OTOG: variants seen among roughly 807,000 people sequenced by gnomAD.
The protein encoded by OTOG is otogelin.
In OTOG, 296 loss-of-function variants were observed where a neutral mutation model predicts 313.8. The ratio of observed to expected loss-of-function variants is 0.94; its 90% confidence interval spans 0.86 to 1.04. OTOG has a LOEUF of 1.04. Ranked by LOEUF, OTOG falls within the 50% of genes least tolerant of loss-of-function variation. The pLI is 0.00. For missense variants in OTOG, 3,948 were observed against 3,840.1 expected, an observed-to-expected ratio of 1.03 and a Z score of -0.74; for synonymous variants, 1,533 against 1,554.9, an observed-to-expected ratio of 0.99 and a Z score of 0.33.
chr11:17,576,768 G>C (rs763686762), intron 21 of OTOG, 100 bp from the exon 22 acceptor site: 1 of 1,484,558 alleles, frequency 6.7e-7, no homozygotes, highest in Non-Finnish European at 9.2e-7. Flanking sequence ...GAGTGAGGGT[G>C]TCTTTCTGAA....
chr11:17,609,822 G>A lies in OTOG; in HGVS notation c.4522G>A (p.Ala1508Thr). 1 of 1,534,276 alleles carries A rather than the reference G, an allele frequency of 6.5e-7. No individual in the cohort carries two copies. The highest frequency in any genetic ancestry group is 8.8e-7 in the Non-Finnish European group (1 of 1,137,132). ...ALTPAAPLTT[A>T]LNPPVTATEE... is the part of the protein sequence containing the mutation. ...CACCCCAGCTGCCCCACTCACCACA[G>A]CCCTGAACCCACCAGTGACAGCCAC... is the stretch of plus-strand genomic sequence containing the variant. Residue 1508 changes from alanine to threonine, a missense_variant, in exon 36 of 56, where the codon GCC becomes ACC. Physicochemically the swap from Ala to Thr is moderately conservative, Grantham distance 58. Coordinates refer to ENST00000399397, the MANE Select transcript of OTOG (RefSeq NM_001292063.2).
At chr11:17,588,977 T>A (rs1216569767) in intron 24 of OTOG, among the ~76,000 whole-genome samples, 4 of 152,150 alleles carry the variant, frequency 2.6e-5, no homozygotes, top group African/African-American at 4.8e-5. Context: ...ACCCCCTCGA[T>A]GTCTCCCCTT....
At chr11:17,640,524 G>A (rs899119210) in intron 49 of OTOG, among the ~76,000 whole-genome samples, 1 of 152,188 alleles carries the variant, frequency 6.6e-6, no homozygotes, top group Admixed American at 6.5e-5. Flanking sequence ...TCTGTCCCTC[G>A]CTGTGAAAGG....
At chr11:17,593,560 G>T in intron 26 of OTOG, 50 bp from the exon 27 acceptor site, 1 of 1,540,296 alleles carries the variant, frequency 6.5e-7, no homozygotes, top group South Asian at 1.2e-5. Context: ...TAGCTGACCT[G>T]GGCGCTAGGG....
intron 20 of OTOG, among the ~76,000 whole-genome samples, chr11:17,575,727 G>C (rs577963150): frequency 6.6e-6 from 1 of 152,288 alleles, no homozygotes; most frequent in East Asian, 1.9e-4. Flanking sequence ...TCACTCATAG[G>C]CCTTCCCAAA....
intron 25 of OTOG, 63 bp from the exon 26 acceptor site, chr11:17,593,130 T>G: frequency 6.8e-7 from 1 of 1,477,502 alleles, no homozygotes; most frequent in South Asian, 1.3e-5. Context: ...CCTCCACCTC[T>G]GTACCTCTTG....
intron 39 of OTOG, among the ~76,000 whole-genome samples, chr11:17,626,766 T>C (rs1397416116): frequency 6.6e-6 from 1 of 152,222 alleles, no homozygotes; most frequent in Non-Finnish European, 1.5e-5. Flanking sequence ...GGGCTATCTT[T>C]CCATTTGTGT....
chr11:17,564,750 A>G (rs561785704), intron 15 of OTOG, among the ~76,000 whole-genome samples: 10 of 152,248 alleles, frequency 6.6e-5, no homozygotes, highest in Non-Finnish European at 1.2e-4. Flanking sequence ...TTTAAGTCTT[A>G]ACATACCCCA....
At chr11:17,590,257 C>T (rs1852899688) in intron 24 of OTOG, among the ~76,000 whole-genome samples, 1 of 152,196 alleles carries the variant, frequency 6.6e-6, no homozygotes, top group Non-Finnish European at 1.5e-5. Context: ...CAGAACAGCA[C>T]ATCTGATCTT....
intron 17 of OTOG, 98 bp from the exon 18 acceptor site, chr11:17,571,982 G>A (rs1852414330): frequency 6.8e-7 from 1 of 1,464,448 alleles, no homozygotes; most frequent in Non-Finnish European, 9.2e-7. Flanking sequence ...GACTATGTGT[G>A]TGTATATGAG....
chr11:17,629,475 C>A (rs1266970156), intron 40 of OTOG, among the ~76,000 whole-genome samples, 159 bp downstream of exon 40: 1 of 152,194 alleles, frequency 6.6e-6, no homozygotes, highest in Non-Finnish European at 1.5e-5. Context: ...GTCTTGTGTC[C>A]TGGGGCCAAA....
In OTOG at chr11:17,641,877, G is replaced by C. The variant is rs1437609507; in HGVS notation, c.8221G>C (p.Ala2741Pro). Residue 2741 changes from alanine to proline, a missense_variant, in exon 52 of 56, where the codon GCT becomes CCT. Transcript: ENST00000399397. ...NQEYEHPRDL[A>P]ACCGSCRNVS... ...GGAGTACGAGCACCCGCGGGACCTC[G>C]CTGCCTGCTGCGGCTCCTGCAGGAA... 1.9e-6 allele frequency: 3 copies of C among 1,550,098 alleles called. No homozygotes were observed. The African/African-American group carries it at 4.1e-5, about 21-fold the overall frequency.
intron 3 of OTOG, among the ~76,000 whole-genome samples, chr11:17,550,679 C>T (rs1051698569): frequency 3.3e-5 from 5 of 151,646 alleles, no homozygotes; most frequent in African/African-American, 9.8e-5. Flanking sequence ...CTAAAGGATG[C>T]GAGTTGTTTC....
intron 14 of OTOG, 121 bp downstream of exon 14, chr11:17,561,258 C>A (rs558696545): frequency 1.8e-6 from 2 of 1,136,200 alleles, no homozygotes; most frequent in Non-Finnish European, 2.5e-6. Context: ...CCATTGGCTA[C>A]GCCCCGACCC....
In OTOG at chr11:17,572,169, C is replaced by T. The variant is rs775057451; in HGVS notation, c.2045C>T (p.Ser682Phe). The T allele has an allele frequency of 5.8e-6, 9 of 1,550,482 alleles. No individual in the cohort carries two copies. In the African/African-American group the frequency reaches 1.1e-4, roughly 19 times the overall value. The change falls in exon 18 of 56, where the codon TCC becomes TTC. Residue 682 changes from serine to phenylalanine, a missense_variant. Physicochemically the swap from Ser to Phe is radical, Grantham distance 155. Coordinates refer to ENST00000399397, the MANE Select transcript of OTOG (RefSeq NM_001292063.2). Reference sequence around the variant, plus strand: ...GCTTGCTCCCCGCTGGTCTCTGGCTCCCCTCTGGACCCCTGCGATGTGCAC... The same window carrying T: ...GCTTGCTCCCCGCTGGTCTCTGGCTTCCCTCTGGACCCCTGCGATGTGCAC... ...LSACSPLVSG[S>F]PLDPCDVHLQ...
chr11:17,561,839 C>T (rs1702778198), intron 15 of OTOG, 32 bp downstream of exon 15: 5 of 1,548,896 alleles, frequency 3.2e-6, no homozygotes, highest in South Asian at 1.2e-5. Context: ...GCCCGATCCA[C>T]CCAGCTACTC....
At chr11:17,584,357 A>G (rs1852743514) in intron 23 of OTOG, among the ~76,000 whole-genome samples, 2 of 152,248 alleles carry the variant, frequency 1.3e-5, no homozygotes, top group South Asian at 4.1e-4. Context: ...TGATGGAAGT[A>G]AAAATCATTG....
chr11:17,573,196 G>A lies in OTOG; in HGVS notation c.2199G>A (p.Gly733=), dbSNP rs765674144. The change falls in exon 19 of 56, where the codon GGG becomes GGA. Residue 733 remains glycine, a synonymous_variant. Transcript: ENST00000399397. ...GCCGCAGGGATGCCTGCCGCTGCGG[G>A]CAGCCCTGCCTGTGCGCCACACTGG... ...EQCRRDACRC[G]QPCLCATLAH... The A allele has an allele frequency of 3.2e-6, 5 of 1,539,198 alleles. No homozygotes were observed. The highest frequency in any genetic ancestry group is 4.9e-5 in the East Asian group (2 of 40,912).
rs1308621647 is a variant in OTOG, at chr11:17,596,169, G to A, written c.3525+15G>A. 4.6e-6 allele frequency: 7 copies of A among 1,531,672 alleles called. No homozygotes were observed. Among genetic ancestry groups the A allele is most frequent in the Non-Finnish European group, 5.3e-6 (6 of 1,130,046 alleles). The allele number at this position is 1,531,672 out of a possible 1,614,324, so 94.9% of individuals were successfully genotyped here. On this transcript the variant is annotated intron_variant, in intron 29 of 55. Transcript: ENST00000399397. ...GCCACCCTGTGGTGAGTGTACCCCA[G>A]CCTCGGCTCCTCCCGAGTGCCCCCT...
Sources: allele counts gnomAD v4.1 joint callset (sites outside exome capture counted in the v4.1 genomes callset), GRCh38; gene constraint gnomAD v4.1.1; transcripts MANE v1.5; gene names NCBI Gene and HGNC (gene_info 2026-07-23, HGNC 2026-07-21).